Variants in NDUFA13 observed in about 807,000 individuals in gnomAD.
The protein encoded by NDUFA13 is NADH dehydrogenase [ubiquinone] 1 alpha subcomplex subunit 13.
A neutral mutation model predicts 17.0 loss-of-function variants in NDUFA13; 16 were observed. The ratio of observed to expected loss-of-function variants is 0.94; its 90% confidence interval spans 0.64 to 1.43. The LOEUF (loss-of-function observed/expected upper bound fraction) is 1.43, where lower values mean the gene tolerates loss of function less well. NDUFA13 is among the 40% of genes most tolerant of loss of function. The pLI is 0.00. For synonymous variants in NDUFA13, 87 were observed against 78.4 expected (o/e 1.11, Z -0.58); for missense variants, 228 against 206.7 (o/e 1.10, Z -0.63).
chr19:19,526,568 G>A, intron 2 of NDUFA13: 1 of 426,642 alleles, frequency 2.3e-6, no homozygotes, highest in Non-Finnish European at 4.4e-6. Flanking sequence ...CCCAAAAAAT[G>A]TGTCTAGTGA....
At chr19:19,521,635 C>A (rs187144543) in intron 1 of NDUFA13, among the ~76,000 whole-genome samples, 1 of 10,362 alleles carries the variant, frequency 9.7e-5, no homozygotes, top group East Asian at 1.8e-3. Flanking sequence ...TGGAGTCTTG[C>A]TCTGTCGCCC....
chr19:19,524,558 G>T (rs552517374), intron 1 of NDUFA13, among the ~76,000 whole-genome samples: 2 of 152,272 alleles, frequency 1.3e-5, no homozygotes, highest in South Asian at 4.1e-4. Context: ...GGTGGCTCAC[G>T]CCTGTAATGC....
rs566436650 is a variant in NDUFA13 at position 19,519,503 on chromosome 19, T to C, written c.94+3171T>C. Reference sequence around the variant, plus strand: ...GCACATACACACCCACCCCAGCCTTTCCCGGTGGAGGAGTGAGGAGGATAC... The same window carrying C: ...GCACATACACACCCACCCCAGCCTTCCCCGGTGGAGGAGTGAGGAGGATAC... On this transcript the variant is annotated intron_variant, in intron 1 of 4. Coordinates refer to ENST00000507754, the MANE Select transcript of NDUFA13 (RefSeq NM_015965.7). Among the ~76,000 whole-genome samples the C allele has an allele frequency of 7.2e-5, 11 of 152,292 alleles. No homozygotes were observed. The South Asian group carries it at 2.1e-3, about 29-fold the overall frequency.
intron 1 of NDUFA13, among the ~76,000 whole-genome samples, chr19:19,525,051 A>G (rs1041034517): frequency 2.0e-5 from 3 of 152,032 alleles, no homozygotes; most frequent in Admixed American, 6.5e-5. Flanking sequence ...CCAAAAACCA[A>G]AAAAGGAAAA....
At chr19:19,522,273 T>C (rs1164471142) in intron 1 of NDUFA13, among the ~76,000 whole-genome samples, 5 of 151,772 alleles carry the variant, frequency 3.3e-5, no homozygotes, top group Admixed American at 6.6e-5. Context: ...CCACTGCACT[T>C]CAGCCTGGGC....
intron 4 of NDUFA13, 79 bp downstream of exon 4, chr19:19,527,849 T>G (rs1287315228): frequency 6.6e-7 from 1 of 1,504,280 alleles, no homozygotes; most frequent in Admixed American, 2.0e-5. Flanking sequence ...CACAGCTTTC[T>G]ATAGAAACCC....
chr19:19,518,548 GGTT>G (rs1568357344), intron 1 of NDUFA13, among the ~76,000 whole-genome samples: 4 of 148,096 alleles, frequency 2.7e-5, no homozygotes, highest in South Asian at 2.2e-4. Flanking sequence ...TTTGTTTTTT[GGTT>G]GTTGTTTTTT....
intron 1 of NDUFA13, among the ~76,000 whole-genome samples, chr19:19,521,734 C>T (rs1423341058): frequency 6.6e-6 from 1 of 152,034 alleles, no homozygotes; most frequent in African/African-American, 2.4e-5. Context: ...TCCCGAGTAG[C>T]TGGGACTTCA....
chr19:19,516,715 A>C (rs922954692), intron 1 of NDUFA13, among the ~76,000 whole-genome samples: 2 of 152,084 alleles, frequency 1.3e-5, no homozygotes, highest in Non-Finnish European at 2.9e-5. Flanking sequence ...AATTTACAAG[A>C]TGTTCTATGC....
intron 1 of NDUFA13, among the ~76,000 whole-genome samples, chr19:19,522,477 C>T (rs1261186978): frequency 6.3e-5 from 6 of 95,036 alleles, no homozygotes; most frequent in East Asian, 2.7e-4. Flanking sequence ...GTCTTTGATC[C>T]TTTTTTTTTT....
At chr19:19,519,175 G>C (rs757726831) in intron 1 of NDUFA13, among the ~76,000 whole-genome samples, 6 of 151,446 alleles carry the variant, frequency 4.0e-5, no homozygotes, top group Non-Finnish European at 8.8e-5. Flanking sequence ...ACAGGCATGA[G>C]CCACCACGCC....
intron 1 of NDUFA13, among the ~76,000 whole-genome samples, chr19:19,520,888 T>C (rs528939812): frequency 6.6e-6 from 1 of 152,336 alleles, no homozygotes; most frequent in East Asian, 1.9e-4. Context: ...CAAATTAATA[T>C]CCAGCACCAA....
intron 1 of NDUFA13, among the ~76,000 whole-genome samples, chr19:19,521,150 C>T (rs770611319): frequency 6.6e-6 from 1 of 152,186 alleles, no homozygotes; most frequent in Non-Finnish European, 1.5e-5. Flanking sequence ...GTGCTTCCAC[C>T]TGCAATGTAT....
intron 2 of NDUFA13, 27 bp downstream of exon 2, chr19:19,526,287 A>C: frequency 5.6e-6 from 9 of 1,612,826 alleles, no homozygotes; most frequent in Non-Finnish European, 7.6e-6. Flanking sequence ...GCGTTGTCTG[A>C]AAGTGCCCCC....
chr19:19,527,703 C>T lies in NDUFA13; in HGVS notation c.248C>T (p.Thr83Ile). Reference sequence around the variant, plus strand: ...CACCATCGGCCCCATCCCCACAGGACCTTGCAGATGCTTCGGGAGAACCTG... The same window carrying T: ...CACCATCGGCCCCATCCCCACAGGATCTTGCAGATGCTTCGGGAGAACCTG... ...PLLQAETDRRTLQMLRENLEE... is the reference protein window; with the variant it reads ...PLLQAETDRRILQMLRENLEE... The change falls in exon 4 of 5, where the codon ACC becomes ATC. Residue 83 changes from threonine to isoleucine, a missense_variant and splice_region_variant. Transcript: ENST00000507754. 1 of 1,551,980 alleles carries T rather than the reference C, an allele frequency of 6.4e-7. No individual in the cohort carries two copies. Among genetic ancestry groups the T allele is most frequent in the Non-Finnish European group, 8.7e-7 (1 of 1,147,112 alleles).
chr19:19,527,513 G>A, intron 3 of NDUFA13, 161 bp downstream of exon 3: 1 of 1,023,578 alleles, frequency 9.8e-7, no homozygotes, highest in Non-Finnish European at 1.5e-6. Context: ...AGACCCAAGG[G>A]GGCGAACCGG....
chr19:19,525,905 C>A (rs1600349065), intron 1 of NDUFA13: 2 of 825,608 alleles, frequency 2.4e-6, no homozygotes, highest in Non-Finnish European at 1.8e-6. Context: ...CACTTCAGGG[C>A]CAGCCTGCCG....
intron 3 of NDUFA13, 170 bp downstream of exon 3, chr19:19,527,522 G>A (rs1214275666): frequency 6.1e-6 from 6 of 983,922 alleles, no homozygotes; most frequent in East Asian, 2.6e-5. Flanking sequence ...GGGGCGAACC[G>A]GAAGGCTTCC....
chr19:19,516,470 T>TA, intron 1 of NDUFA13, 138 bp downstream of exon 1: 1 of 901,414 alleles, frequency 1.1e-6, no homozygotes, highest in African/African-American at 1.6e-5. Flanking sequence ...ATAGCTTCTG[T>TA]AATAACGCTA....
Sources: allele counts gnomAD v4.1 joint callset (sites outside exome capture counted in the v4.1 genomes callset), GRCh38; gene constraint gnomAD v4.1.1; transcripts MANE v1.5; gene names NCBI Gene and HGNC (gene_info 2026-07-23, HGNC 2026-07-21).